FBXO15: variants seen among roughly 807,000 people sequenced by gnomAD.
FBXO15 encodes the protein F-box protein 15.
In FBXO15, 30 loss-of-function variants were observed where a neutral mutation model predicts 49.5. The ratio of observed to expected loss-of-function variants is 0.61; its 90% CI spans 0.45 to 0.82. FBXO15 has a LOEUF of 0.82. FBXO15 is among the 40% of genes least tolerant of loss of function. The pLI, the probability that FBXO15 is intolerant of heterozygous loss-of-function variation, is 0.00. For missense variants in FBXO15, 591 were observed against 631.5 expected, an observed-to-expected ratio of 0.94 and a Z score of 0.69; for synonymous variants, 250 against 232.7, an observed-to-expected ratio of 1.07 and a Z score of -0.68.
chr18:74,124,583 A>G lies in FBXO15; in HGVS notation c.913-12T>C. On this transcript the variant is annotated splice_polypyrimidine_tract_variant and intron_variant, in intron 6 of 9. Coordinates refer to ENST00000419743, the MANE Select transcript of FBXO15 (RefSeq NM_001142958.2). ...AGTTCTTCCTCCTTCTGAAAAGTTA[A>G]TTGAGAAGAATACATATTTCAACCA... 6.2e-7 allele frequency: 1 copy of G among 1,609,108 alleles called. No homozygotes were observed. Among genetic ancestry groups the G allele is most frequent in the Non-Finnish European group, 8.5e-7 (1 of 1,175,674 alleles).
chr18:74,086,101 C>T (rs1015529732), intron 8 of FBXO15, among the ~76,000 whole-genome samples: 1 of 152,018 alleles, frequency 6.6e-6, no homozygotes, highest in African/African-American at 2.4e-5. Context: ...GTTTCTAATG[C>T]TTTACCTATT....
At chr18:74,107,203 A>AC (rs1357593403) in intron 8 of FBXO15, among the ~76,000 whole-genome samples, 5 of 145,188 alleles carry the variant, frequency 3.4e-5, no homozygotes, top group African/African-American at 5.6e-5. Flanking sequence ...TAAAAAAAAA[A>AC]AAAACAACAA....
rs200161286 is a variant in FBXO15, at chr18:74,107,193, TAA to T, written c.1138+16173_1138+16174del. On this transcript the variant is annotated intron_variant, in intron 8 of 9. Coordinates refer to ENST00000419743, the MANE Select transcript of FBXO15 (RefSeq NM_001142958.2). ...TTATGGGGTACACAGTGATATTCTG[TAA>T]AAAAAAAAAAAACAACAAATTCTGT... 1.6e-4 allele frequency among the ~76,000 whole-genome samples: 21 copies of T among 128,510 alleles called. No individual in the cohort carries two copies. In the East Asian group the frequency reaches 1.9e-3, roughly 12 times the overall value. The allele number at this position is 128,510 out of a possible 152,430, so 84.3% of individuals were successfully genotyped here.
chr18:74,145,700 C>T (rs1039935438), intron 1 of FBXO15, among the ~76,000 whole-genome samples: 1 of 150,190 alleles, frequency 6.7e-6, no homozygotes, highest in Non-Finnish European at 1.5e-5. Flanking sequence ...TGGGTTCACG[C>T]CATTCTCCTG....
chr18:74,117,704 G>A (rs189470320), intron 8 of FBXO15, among the ~76,000 whole-genome samples: 119 of 152,222 alleles, frequency 7.8e-4, no homozygotes, highest in Middle Eastern at 3.4e-3. Flanking sequence ...CTGTGAAAAG[G>A]AAGTGAAATA....
chr18:74,124,492 G>A lies in FBXO15; in HGVS notation c.992C>T (p.Thr331Ile), dbSNP rs1238828303. 6.2e-7 allele frequency: 1 copy of A among 1,613,560 alleles called. No individual in the cohort carries two copies. Among genetic ancestry groups the A allele is most frequent in the East Asian group, 2.2e-5 (1 of 44,862 alleles). ...ACACCCACATATAAATACATACATA[G>A]TAGCCGAGCCTAATGTGCTCCTCTC... ...LVERSTLGSATIPYELPPHSP... is the reference protein window; with the variant it reads ...LVERSTLGSAIIPYELPPHSP... Residue 331 changes from threonine to isoleucine, a missense_variant, in exon 7 of 10, where the codon ACT becomes ATT. Physicochemically the swap from Thr to Ile is moderately conservative, Grantham distance 89. Coordinates refer to ENST00000419743, the MANE Select transcript of FBXO15 (RefSeq NM_001142958.2).
intron 8 of FBXO15, chr18:74,099,982 T>G (rs972113630): frequency 6.6e-6 from 1 of 152,066 alleles, no homozygotes; most frequent in African/African-American, 2.4e-5. Context: ...ACTTCAATAC[T>G]CCACTGACAG....
chr18:74,088,317 G>C (rs1410025425), intron 8 of FBXO15, among the ~76,000 whole-genome samples: 1 of 152,096 alleles, frequency 6.6e-6, no homozygotes, highest in Non-Finnish European at 1.5e-5. Context: ...CTATCTTCCA[G>C]GGATTTTATA....
At chr18:74,093,263 T>TGGGG (rs1555676377) in intron 8 of FBXO15, among the ~76,000 whole-genome samples, 11 of 123,582 alleles carry the variant, frequency 8.9e-5, no homozygotes, top group African/African-American at 2.9e-4. Flanking sequence ...GGCAAAACAA[T>TGGGG]GGGGGGGGGG....
At position 74,129,128 on chromosome 18, in the gene FBXO15, T is replaced by G. The variant is rs530408203; in HGVS notation, c.785+277A>C. Among the ~76,000 whole-genome samples, 36 of 152,260 alleles carry G rather than the reference T, an allele frequency of 2.4e-4. No individual in the cohort carries two copies. The East Asian group carries it at 6.6e-3, about 28-fold the overall frequency. Reference sequence around the variant, plus strand: ...GTTAAGATGGTTAAAATGAAAAACCTCAAAGGTTAGCCATCAATCATCCAG... The same window carrying G: ...GTTAAGATGGTTAAAATGAAAAACCGCAAAGGTTAGCCATCAATCATCCAG... On this transcript the variant is annotated intron_variant, in intron 5 of 9. Coordinates refer to ENST00000419743, the MANE Select transcript of FBXO15 (RefSeq NM_001142958.2).
intron 2 of FBXO15, among the ~76,000 whole-genome samples, chr18:74,138,068 T>C (rs1978831453): frequency 6.6e-6 from 1 of 152,074 alleles, no homozygotes; most frequent in South Asian, 2.1e-4. Flanking sequence ...ACACTGTTCA[T>C]AGGAGCCTCT....
intron 7 of FBXO15, 92 bp downstream of exon 7, chr18:74,124,397 G>A: frequency 1.0e-6 from 1 of 1,000,616 alleles, no homozygotes; most frequent in Non-Finnish European, 1.5e-6. Flanking sequence ...GAATATCTCT[G>A]CAGCTATTCT....
intron 8 of FBXO15, among the ~76,000 whole-genome samples, chr18:74,119,344 C>T (rs1189570958): frequency 3.3e-5 from 5 of 152,180 alleles, no homozygotes; most frequent in Admixed American, 3.3e-4. Context: ...TGGGAGCCAC[C>T]CATTCTCTTT....
chr18:74,124,852 T>C (rs956891224), intron 6 of FBXO15, among the ~76,000 whole-genome samples: 2 of 152,212 alleles, frequency 1.3e-5, no homozygotes, highest in African/African-American at 4.8e-5. Context: ...TCAAAAGATA[T>C]ATATGATAGT....
At chr18:74,116,960 C>T (rs747341619) in intron 8 of FBXO15, among the ~76,000 whole-genome samples, 12 of 152,098 alleles carry the variant, frequency 7.9e-5, no homozygotes, top group Non-Finnish European at 1.2e-4. Context: ...ATTCCACAGA[C>T]GTGACGACAG....
chr18:74,130,917 C>T (rs752021408), intron 3 of FBXO15: 87 of 326,582 alleles, frequency 2.7e-4, no homozygotes, highest in Non-Finnish European at 3.5e-4. Flanking sequence ...AGTAATCTCA[C>T]GTTATTTAGG....
chr18:74,125,630 G>C (rs1914674468), intron 6 of FBXO15, among the ~76,000 whole-genome samples: 1 of 152,172 alleles, frequency 6.6e-6, no homozygotes, highest in Non-Finnish European at 1.5e-5. Context: ...GAGCATGAAA[G>C]GAAGAGAAGA....
At position 74,130,451 on chromosome 18, in the gene FBXO15, G is replaced by A; in HGVS notation, c.540C>T (p.Tyr180=). 1 of 1,614,216 alleles carries A rather than the reference G, an allele frequency of 6.2e-7. No individual in the cohort carries two copies. The highest frequency in any genetic ancestry group is 8.5e-7 in the Non-Finnish European group (1 of 1,180,022). The change falls in exon 4 of 10, where the codon TAC becomes TAT. Residue 180 remains tyrosine, a synonymous_variant. Transcript: ENST00000419743. ...CTTTGGTCTTAACTGGAAGGCCTGTGTAAGGGTTGACAGGTTTGAGAATGT... is the reference window on the plus strand; with the variant it reads ...CTTTGGTCTTAACTGGAAGGCCTGTATAAGGGTTGACAGGTTTGAGAATGT... ...LADILKPVNP[Y]TGLPVKTKEA...
At chr18:74,137,237 T>C (rs1978777610) in intron 2 of FBXO15, among the ~76,000 whole-genome samples, 1 of 152,202 alleles carries the variant, frequency 6.6e-6, no homozygotes, top group African/African-American at 2.4e-5. Flanking sequence ...AATTAGATCC[T>C]TGCAATGAGA....
Sources: gnomAD v4.1 joint callset for allele counts (sites outside exome capture counted in the v4.1 genomes callset) on GRCh38, gnomAD v4.1.1 for gene constraint, MANE v1.5 for transcripts, NCBI Gene and HGNC (gene_info 2026-07-23, HGNC 2026-07-21) for gene names.